The following IFT140 variants were observed in gnomAD, a reference collection of about 807,000 sequenced individuals.
IFT140 encodes intraflagellar transport 140, also known as intraflagellar transport protein 140 homolog.
In IFT140, 133 loss-of-function variants were observed where a neutral mutation model predicts 164.6. That is an observed-to-expected ratio of 0.81 (90% CI 0.70 to 0.93). The LOEUF is 0.93. IFT140 is among the 40% of genes least tolerant of loss of function. IFT140 has a pLI of 0.00. For synonymous variants in IFT140, 860 were observed against 817.3 expected (o/e 1.05, Z -0.89); for missense variants, 2,045 against 1,972.3 (o/e 1.04, Z -0.70).
At chr16:1,524,082 G>C in intron 24 of IFT140, 126 bp from the exon 25 acceptor site, 1 of 1,245,714 alleles carries the variant, frequency 8.0e-7, no homozygotes, top group Non-Finnish European at 1.1e-6. Context: ...CGATCTCTGC[G>C]GTGATGGGTT....
intron 19 of IFT140, among the ~76,000 whole-genome samples, chr16:1,538,606 G>A (rs1003699214): frequency 2.6e-5 from 4 of 152,226 alleles, no homozygotes; most frequent in African/African-American, 2.4e-5. Context: ...GACCTTCTGC[G>A]TGATGTTTTA....
At chr16:1,607,013 C>T (rs1203294337) in intron 3 of IFT140, 107 bp downstream of exon 3, 4 of 1,102,786 alleles carry the variant, frequency 3.6e-6, no homozygotes, top group East Asian at 4.7e-5. Flanking sequence ...TACACACACA[C>T]ACCCATAGGC....
intron 13 of IFT140, among the ~76,000 whole-genome samples, chr16:1,579,898 A>G (rs2034465893): frequency 2.0e-5 from 3 of 151,138 alleles, no homozygotes; most frequent in African/African-American, 4.9e-5. Context: ...TGGGAGGCGG[A>G]GATTGCAGCG....
At chr16:1,554,482 G>C (rs1026076781) in intron 19 of IFT140, among the ~76,000 whole-genome samples, 2 of 152,154 alleles carry the variant, frequency 1.3e-5, no homozygotes, top group Admixed American at 1.3e-4. Flanking sequence ...GGAGCAGCAC[G>C]CCAGGACAGA....
At chr16:1,568,466 G>A (rs1031483338) in intron 14 of IFT140, 132 bp from the exon 15 acceptor site, 6 of 716,682 alleles carry the variant, frequency 8.4e-6, no homozygotes, top group Non-Finnish European at 1.4e-5. Flanking sequence ...GGTGGCGCGT[G>A]TGCACCATGA....
chr16:1,554,718 T>TG lies in IFT140; in HGVS notation c.2399+3216dup, dbSNP rs1004466643. 4.4e-6 allele frequency: 7 copies of TG among 1,590,336 alleles called. No individual in the cohort carries two copies. The Admixed American group carries it at 1.0e-4, about 23-fold the overall frequency. ...TGGAACCTGCTCTAGGACAGAGGGC[T>TG]GGGGAAGGAGTGGAACCCGCCTTCC... On this transcript the variant is annotated intron_variant, in intron 19 of 30. Coordinates refer to ENST00000426508, the MANE Select transcript of IFT140 (RefSeq NM_014714.4).
In IFT140 at chr16:1,545,944, G is replaced by C. The variant is rs189324982; in HGVS notation, c.2399+11991C>G. 2.7e-4 allele frequency among the ~76,000 whole-genome samples: 41 copies of C among 152,322 alleles called. 1 individual carries two copies. Among genetic ancestry groups the C allele is most frequent in the Admixed American group, 1.5e-3 (23 of 15,294 alleles). On this transcript the variant is annotated intron_variant, in intron 19 of 30. Transcript: ENST00000426508. ...CCCAGAGAGAGCAGCTGAAATGTGCGGGGACCCCACTGTCCTGGCTTGGCT... is the reference window on the plus strand; with the variant it reads ...CCCAGAGAGAGCAGCTGAAATGTGCCGGGACCCCACTGTCCTGGCTTGGCT...
At chr16:1,535,647 G>T (rs2030989095) in intron 19 of IFT140, among the ~76,000 whole-genome samples, 1 of 152,198 alleles carries the variant, frequency 6.6e-6, no homozygotes, top group Admixed American at 6.5e-5. Flanking sequence ...CCTCAGCGGG[G>T]AATGTCATCC....
rs2032800565 is a variant in IFT140, at chr16:1,553,061, C to T, written c.2399+4874G>A. The T allele has an allele frequency of 3.0e-6, 3 of 985,292 alleles. No individual in the cohort carries two copies. The South Asian group carries it at 1.4e-4, about 46-fold the overall frequency. 61.0% of individuals were successfully genotyped at this position (985,292 alleles called of 1,614,324 possible). The stretch of plus-strand genomic sequence containing the variant: ...ACAGAAACCAGTCACTGTCATTGTT[C>T]AGGACAAAATGGAGATAGATAAATG... On this transcript the variant is annotated intron_variant, in intron 19 of 30. Coordinates refer to ENST00000426508, the MANE Select transcript of IFT140 (RefSeq NM_014714.4). The surrounding 1 kb of genome is among the most constrained non-coding windows in gnomAD (Gnocchi z 4.4).
intron 30 of IFT140, among the ~76,000 whole-genome samples, chr16:1,515,329 G>C (rs187309148): frequency 6.6e-6 from 1 of 152,294 alleles, no homozygotes; most frequent in Admixed American, 6.5e-5. Context: ...CCCACAGACA[G>C]CCCATAGCTG....
At chr16:1,598,406 C>G (rs551193730) in intron 4 of IFT140, among the ~76,000 whole-genome samples, 6 of 151,818 alleles carry the variant, frequency 4.0e-5, no homozygotes, top group African/African-American at 1.5e-4. Flanking sequence ...TGCAGGGAGC[C>G]GAGATGGCGC....
intron 19 of IFT140, among the ~76,000 whole-genome samples, chr16:1,535,411 ACT>A (rs1370799585): frequency 1.3e-5 from 2 of 151,988 alleles, no homozygotes; most frequent in African/African-American, 4.8e-5. Context: ...CCAAAGGCCG[ACT>A]CTCTGAAACT....
chr16:1,544,653 T>C (rs1380479087), intron 19 of IFT140, among the ~76,000 whole-genome samples: 1 of 151,774 alleles, frequency 6.6e-6, no homozygotes, highest in Non-Finnish European at 1.5e-5. Context: ...TCTTTTTCTT[T>C]TTTTTCTTTT....
chr16:1,611,680 G>A (rs1256230352), intron 1 of IFT140, among the ~76,000 whole-genome samples: 2 of 151,118 alleles, frequency 1.3e-5, no homozygotes, highest in Non-Finnish European at 2.9e-5. Context: ...CGAGTATGGT[G>A]GCGCGCGCCT....
rs377319314 is a variant in IFT140 at position 1,520,761 on chromosome 16, G to A, written c.3501C>T (p.Thr1167=). The A allele has an allele frequency of 2.3e-5, 37 of 1,608,428 alleles. No homozygotes were observed. The highest frequency in any genetic ancestry group is 2.6e-5 in the Non-Finnish European group (31 of 1,179,994). Reference sequence around the variant, plus strand: ...CGGTCATCTTTTCCGCCATCTCCTCGGTGATGCTCATGTTCTGCCCCAGGC... The same window carrying A: ...CGGTCATCTTTTCCGCCATCTCCTCAGTGATGCTCATGTTCTGCCCCAGGC... ...QLCLGQNMSI[T]EEMAEKMTVA... Residue 1167 remains threonine (T), a synonymous_variant, in exon 27 of 31, where the codon ACC becomes ACT. Transcript: ENST00000426508.
Position 1,589,657 on chromosome 16 carries a change from C to G in IFT140, c.758G>C (p.Arg253Pro). The change falls in exon 7 of 31, where the codon CGG (arginine) becomes CCG (proline). Residue 253 changes from arginine to proline, a missense_variant. Arg to Pro is a moderately radical substitution (Grantham distance 103, BLOSUM62 -2). Transcript: ENST00000426508. ...EALVVVTENL[R>P]LSLYTVPPEG... ...AGGAGGCACCGTGTACAGGGACAGC[C>G]GGAGGTTCTCTGTGACCACCACCAG... 1 of 1,614,134 alleles carries G rather than the reference C, an allele frequency of 6.2e-7. No homozygotes were observed. The highest frequency in any genetic ancestry group is 8.5e-7 in the Non-Finnish European group (1 of 1,180,030).
Position 1,523,039 on chromosome 16 carries a change from A to G in IFT140, c.3453+479T>C, listed in dbSNP as rs192420162. ...AGTTCAAGACCAGCCTGGGCAACAC[A>G]GCAAGACCCTGAGTCTATGAAAAAA... On this transcript the variant is annotated intron_variant, in intron 26 of 30. Coordinates refer to ENST00000426508, the MANE Select transcript of IFT140 (RefSeq NM_014714.4). Among the ~76,000 whole-genome samples, 100 of 152,024 alleles carry G rather than the reference A, an allele frequency of 6.6e-4. 1 individual carries two copies. Among genetic ancestry groups the G allele is most frequent in the Admixed American group, 9.2e-4 (14 of 15,260 alleles).
At chr16:1,582,411 G>T (rs2034621338) in intron 12 of IFT140, among the ~76,000 whole-genome samples, 1 of 152,216 alleles carries the variant, frequency 6.6e-6, no homozygotes, top group African/African-American at 2.4e-5. Context: ...GTTCTCCCCT[G>T]GGGCTGCAGA....
chr16:1,543,869 T>A (rs1276493872), intron 19 of IFT140, among the ~76,000 whole-genome samples: 4 of 152,222 alleles, frequency 2.6e-5, no homozygotes, highest in Admixed American at 2.6e-4. Context: ...ATGCCGTGGC[T>A]TAAAGAAGGA....
Sources: allele counts gnomAD v4.1 joint callset (sites outside exome capture counted in the v4.1 genomes callset), GRCh38; gene constraint gnomAD v4.1.1; non-coding constraint Gnocchi (gnomAD v3.1); transcripts MANE v1.5; gene names NCBI Gene and HGNC (gene_info 2026-07-23, HGNC 2026-07-21).